The following BCAR3 variants were observed in gnomAD, a reference collection of about 807,000 sequenced individuals.
BCAR3 encodes breast cancer anti-estrogen resistance protein 3.
BCAR3 carries 37 observed loss-of-function variants against 80.1 expected under a neutral mutation model. That is an observed-to-expected ratio of 0.46 (90% CI 0.36 to 0.61). The LOEUF (loss-of-function observed/expected upper bound fraction) is 0.61, where lower values mean the gene tolerates loss of function less well. Ranked by LOEUF, BCAR3 falls within the 20% of genes least tolerant of loss-of-function variation. The pLI, the probability that BCAR3 is intolerant of heterozygous loss-of-function variation, is 0.00. For missense variants in BCAR3, 978 were observed against 1,068.2 expected, an observed-to-expected ratio of 0.92 and a Z score of 1.18; for synonymous variants, 389 against 418.9, an observed-to-expected ratio of 0.93 and a Z score of 0.87.
chr1:93,696,399 C>T (rs547999704), intron 3 of BCAR3, among the ~76,000 whole-genome samples: 20 of 152,234 alleles, frequency 1.3e-4, no homozygotes, highest in South Asian at 4.1e-4. Context: ...CATTTCTACC[C>T]GCACACAAAT....
chr1:93,846,391 T>G (rs981344885), intron 1 of BCAR3, among the ~76,000 whole-genome samples: 2 of 152,080 alleles, frequency 1.3e-5, no homozygotes, highest in East Asian at 1.9e-4. Context: ...GGGACTGCTG[T>G]GAGCTAATAG....
intron 2 of BCAR3, among the ~76,000 whole-genome samples, chr1:93,809,938 C>T (rs1201189698): frequency 2.0e-5 from 3 of 151,762 alleles, no homozygotes; most frequent in East Asian, 1.9e-4. Context: ...CGGTGGCTCA[C>T]GCCTGTAATC....
At chr1:93,675,846 A>C (rs1393856065) in intron 1 of BCAR3, among the ~76,000 whole-genome samples, 1 of 150,868 alleles carries the variant, frequency 6.6e-6, no homozygotes, top group East Asian at 1.9e-4. Context: ...CCAGCTCCAA[A>C]GCAAACTATG....
chr1:93,674,633 C>T lies in BCAR3; in HGVS notation c.298G>A (p.Gly100Ser), dbSNP rs201873210. 117 of 1,612,978 alleles carry T rather than the reference C, an allele frequency of 7.3e-5. No homozygotes were observed. The highest frequency in any genetic ancestry group is 6.8e-4 in the African/African-American group (51 of 74,948). ...IQESPWQDRH[G>S]ETFTFRDPHL... is the part of the protein sequence containing the mutation. Reference sequence around the variant, plus strand: ...AGTTACCTGAAGGTGAAGGTTTCGCCGTGCCGGTCCTGCCATGGGCTCTCC... The same window carrying T: ...AGTTACCTGAAGGTGAAGGTTTCGCTGTGCCGGTCCTGCCATGGGCTCTCC... Residue 100 changes from glycine to serine, a missense_variant, in exon 2 of 12, where the codon GGC becomes AGC. Transcript: ENST00000260502.
chr1:93,833,256 C>A (rs1654639824), intron 2 of BCAR3, among the ~76,000 whole-genome samples: 2 of 152,052 alleles, frequency 1.3e-5, no homozygotes, highest in South Asian at 4.1e-4. Context: ...TAGTGTGGGT[C>A]ACAGAGATCA....
At chr1:93,584,636 CT>C (rs1429433540) in intron 5 of BCAR3, among the ~76,000 whole-genome samples, 1 of 152,230 alleles carries the variant, frequency 6.6e-6, no homozygotes, top group African/African-American at 2.4e-5. Flanking sequence ...CCTGGGGAGG[CT>C]GCCATCCCCA....
At chr1:93,620,238 AAGG>A (rs1326668074) in intron 3 of BCAR3, among the ~76,000 whole-genome samples, 2 of 152,186 alleles carry the variant, frequency 1.3e-5, no homozygotes, top group East Asian at 3.9e-4. Context: ...CTGGTATAAT[AAGG>A]AGACTTCTAA....
At chr1:93,587,670 G>C (rs34423897) in intron 5 of BCAR3, among the ~76,000 whole-genome samples, 30,817 of 150,342 alleles carry the variant, frequency 0.2, 3,642 homozygotes, top group African/African-American at 0.31. Context: ...AGAAATGACA[G>C]TTTATGACAT....
rs750142598 is a variant in BCAR3, at chr1:93,562,360, G to A, written c.2359C>T (p.Leu787=). ...ACTTGTGCACCTTTGCTGCCCCATA[G>A]CAATCGCATTTGAAATTCAGTCTTG... is the stretch of plus-strand genomic sequence containing the variant. The part of the protein sequence containing the change: ...ICKTEFQMRL[L]WGSKGAQVNQ... The change falls in exon 12 of 12, where the codon CTA becomes TTA. Residue 787 remains leucine, a synonymous_variant. Coordinates refer to ENST00000260502, the MANE Select transcript of BCAR3 (RefSeq NM_003567.4). 20 of 1,613,968 alleles carry A rather than the reference G, an allele frequency of 1.2e-5. No individual in the cohort carries two copies. Among genetic ancestry groups the A allele is most frequent in the Non-Finnish European group, 1.6e-5 (19 of 1,179,994 alleles).
intron 8 of BCAR3, 54 bp from the exon 9 acceptor site, chr1:93,571,895 A>T (rs1557837130): frequency 6.4e-7 from 1 of 1,555,856 alleles, no homozygotes; most frequent in Non-Finnish European, 8.7e-7. Flanking sequence ...CTAGGAGAAA[A>T]CTAAACCAAA....
intron 3 of BCAR3, among the ~76,000 whole-genome samples, chr1:93,630,039 C>T (rs1029234327): frequency 6.6e-5 from 10 of 152,174 alleles, no homozygotes; most frequent in African/African-American, 1.9e-4. Flanking sequence ...ATTCCCCCTT[C>T]CCTAAATTTA....
intron 3 of BCAR3, among the ~76,000 whole-genome samples, chr1:93,627,894 A>G (rs1253203413): frequency 2.0e-5 from 3 of 152,188 alleles, no homozygotes; most frequent in Non-Finnish European, 4.4e-5. Flanking sequence ...AGTTTTCAGT[A>G]TCTTACCTAT....
intron 2 of BCAR3, among the ~76,000 whole-genome samples, chr1:93,784,989 T>C (rs1652889949): frequency 6.6e-6 from 1 of 152,126 alleles, no homozygotes; most frequent in Admixed American, 6.5e-5. Context: ...TTAAGGAGAG[T>C]TCTGCTCCAC....
intron 2 of BCAR3, among the ~76,000 whole-genome samples, chr1:93,717,264 C>T (rs1001540617): frequency 2.6e-5 from 4 of 152,180 alleles, no homozygotes; most frequent in African/African-American, 9.7e-5. Context: ...GTGAACCCAG[C>T]CCAGCCCAGA....
At chr1:93,699,202 T>A (rs1404522085) in intron 3 of BCAR3, among the ~76,000 whole-genome samples, 1 of 152,210 alleles carries the variant, frequency 6.6e-6, no homozygotes, top group African/African-American at 2.4e-5. Flanking sequence ...GAGATCCAAT[T>A]TGAATTCTCC....
chr1:93,610,071 A>C (rs916218682), intron 3 of BCAR3, among the ~76,000 whole-genome samples: 2 of 152,218 alleles, frequency 1.3e-5, no homozygotes, highest in African/African-American at 4.8e-5. Flanking sequence ...AGAGATCCCC[A>C]CTGGACCAAC....
chr1:93,785,365 G>C (rs891081641), intron 2 of BCAR3, among the ~76,000 whole-genome samples: 3 of 152,190 alleles, frequency 2.0e-5, no homozygotes, highest in Non-Finnish European at 4.4e-5. Flanking sequence ...GCAGCAAACA[G>C]AAGACAGGGT....
intron 3 of BCAR3, among the ~76,000 whole-genome samples, chr1:93,621,385 T>C (rs1675304409): frequency 6.6e-6 from 1 of 152,176 alleles, no homozygotes; most frequent in South Asian, 2.1e-4. Context: ...TTGTGTTCAT[T>C]GAGGAGAGGG....
chr1:93,845,502 A>ATATATATCATGTTGTAAAG, intron 2 of BCAR3: 1 of 113,822 alleles, frequency 8.8e-6, no homozygotes, highest in Non-Finnish European at 1.8e-5. Context: ...ATATATATAT[A>ATATATATCATGTTGTAAAG]AAACTTTGTT....
Sources: gnomAD v4.1 joint callset for allele counts (sites outside exome capture counted in the v4.1 genomes callset) on GRCh38, gnomAD v4.1.1 for gene constraint, MANE v1.5 for transcripts, NCBI Gene and HGNC (gene_info 2026-07-23, HGNC 2026-07-21) for gene names.